Variants in EBF3 observed in about 807,000 individuals in gnomAD.
EBF3 encodes transcription factor COE3.
EBF3 carries 18 observed loss-of-function variants against 77.1 expected under a neutral mutation model. The observed-to-expected ratio is 0.23, with a 90% CI of 0.16 to 0.35. EBF3 has a LOEUF of 0.35. EBF3 is among the 10% of genes least tolerant of loss of function. EBF3 has a pLI of 1.00. For missense variants in EBF3, 558 were observed against 860.0 expected (o/e 0.65, Z 4.39); for synonymous variants, 350 against 343.5 (o/e 1.02, Z -0.21).
At chr10:129,860,947 G>A (rs1646242013) in intron 10 of EBF3, among the ~76,000 whole-genome samples, 1 of 152,234 alleles carries the variant, frequency 6.6e-6, no homozygotes, top group Admixed American at 6.5e-5. Context: ...TAGTAAATGG[G>A]TGTCACTGAT....
chr10:129,853,776 G>T (rs1426898010), intron 10 of EBF3, among the ~76,000 whole-genome samples: 1 of 152,190 alleles, frequency 6.6e-6, no homozygotes, highest in Non-Finnish European at 1.5e-5. Context: ...TGATTTCAGT[G>T]ACAAAGTGCT....
In EBF3 at chr10:129,964,219, G is replaced by C; in HGVS notation, c.-451C>G. The C allele has an allele frequency of 1.0e-6, 1 of 985,008 alleles. No homozygotes were observed. Among genetic ancestry groups the C allele is most frequent in the South Asian group, 4.7e-5 (1 of 21,282 alleles). The allele number at this position is 985,008 out of a possible 1,614,324, so 61.0% of individuals were successfully genotyped here. On this transcript the variant is annotated 5_prime_UTR_variant, in exon 1 of 17. Coordinates refer to ENST00000440978, the MANE Select transcript of EBF3 (RefSeq NM_001375380.1). The surrounding 1 kb of genome is among the most constrained non-coding windows in gnomAD (Gnocchi z 4.5). ...CAGGCGGGGCGCGGCGGGGCCTGGA[G>C]CGGCGCGCGCAGCGGACGGAGGCGC... is the stretch of plus-strand genomic sequence containing the variant.
At chr10:129,858,025 C>T (rs1262397123) in intron 10 of EBF3, among the ~76,000 whole-genome samples, 1 of 152,222 alleles carries the variant, frequency 6.6e-6, no homozygotes, top group Non-Finnish European at 1.5e-5. Context: ...TGTTGGTGGA[C>T]TCTGGGGTGG....
chr10:129,851,330 A>G (rs1487640980), intron 10 of EBF3, among the ~76,000 whole-genome samples: 2 of 152,128 alleles, frequency 1.3e-5, no homozygotes, highest in African/African-American at 4.8e-5. Context: ...TTTTATGTTA[A>G]TATTTGTGGG....
intron 5 of EBF3, 109 bp downstream of exon 5, chr10:129,958,825 G>A (rs1859245055): frequency 7.3e-7 from 1 of 1,375,988 alleles, no homozygotes; most frequent in Non-Finnish European, 9.5e-7. Flanking sequence ...TTCAATCGAT[G>A]CCCTTCCCGG....
chr10:129,954,125 G>A (rs576730736), intron 6 of EBF3, among the ~76,000 whole-genome samples: 1 of 152,274 alleles, frequency 6.6e-6, no homozygotes, highest in Non-Finnish European at 1.5e-5. Flanking sequence ...TTGTGTGTGT[G>A]CACTCTTCCT....
intron 6 of EBF3, among the ~76,000 whole-genome samples, chr10:129,931,893 G>A (rs1564901619): frequency 6.6e-6 from 1 of 152,144 alleles, no homozygotes; most frequent in Admixed American, 6.5e-5. Flanking sequence ...TGGGGTCCTG[G>A]TACCCAAATG....
rs1477973940 is a variant in EBF3 at position 129,873,611 on chromosome 10, TG to T, written c.637-16del. 2 of 1,508,156 alleles carry T rather than the reference TG, an allele frequency of 1.3e-6. No individual in the cohort carries two copies. Among genetic ancestry groups the T allele is most frequent in the Admixed American group, 4.6e-5 (2 of 43,948 alleles). 93.4% of individuals were successfully genotyped at this position (1,508,156 alleles called of 1,614,324 possible). On this transcript the variant is annotated splice_polypyrimidine_tract_variant and intron_variant, in intron 7 of 16. Coordinates refer to ENST00000440978, the MANE Select transcript of EBF3 (RefSeq NM_001375380.1). ...GATACAACAACCTGCAAAGATGAAGTGGATTTGAAAATGGAATTGGCAAAGA... is the reference window on the plus strand; with the variant it reads ...GATACAACAACCTGCAAAGATGAAGTGATTTGAAAATGGAATTGGCAAAGA...
At chr10:129,871,616 G>A (rs535576224) in intron 8 of EBF3, among the ~76,000 whole-genome samples, 1 of 152,104 alleles carries the variant, frequency 6.6e-6, no homozygotes, top group African/African-American at 2.4e-5. Flanking sequence ...GGGTTTGGGG[G>A]ACAAATATGC....
At chr10:129,929,217 T>A (rs1042780708) in intron 6 of EBF3, among the ~76,000 whole-genome samples, 1 of 152,150 alleles carries the variant, frequency 6.6e-6, no homozygotes, top group Non-Finnish European at 1.5e-5. Flanking sequence ...TTTATTTATT[T>A]ATTTTGAGAC....
chr10:129,883,129 C>T lies in EBF3; in HGVS notation c.555-5280G>A, dbSNP rs547521941. On this transcript the variant is annotated intron_variant, in intron 6 of 16. Transcript: ENST00000440978. ...CCCTGTACAGGATTTTTTCTTTAAT[C>T]ATCAAGTTTCAGACTGTTCCAGGGC... Among the ~76,000 whole-genome samples the T allele has an allele frequency of 2.0e-5, 3 of 152,344 alleles. No individual in the cohort carries two copies. In the East Asian group the frequency reaches 5.8e-4, roughly 29 times the overall value.
chr10:129,924,443 A>C (rs1320463839), intron 6 of EBF3, among the ~76,000 whole-genome samples: 1 of 133,014 alleles, frequency 7.5e-6, no homozygotes, highest in Non-Finnish European at 1.6e-5. Flanking sequence ...AAAAAAAAAA[A>C]AACAAAAAAC....
chr10:129,894,720 T>C (rs1229859350), intron 6 of EBF3, among the ~76,000 whole-genome samples: 3 of 152,248 alleles, frequency 2.0e-5, no homozygotes, highest in African/African-American at 7.2e-5. Flanking sequence ...TCCAGAAAAC[T>C]GCATCTGCCT....
chr10:129,849,857 C>T (rs1850735745), intron 10 of EBF3, among the ~76,000 whole-genome samples: 1 of 152,184 alleles, frequency 6.6e-6, no homozygotes, highest in African/African-American at 2.4e-5. Context: ...AATGCCTCGG[C>T]GTATGTGACA....
At chr10:129,890,039 G>A (rs1200879567) in intron 6 of EBF3, among the ~76,000 whole-genome samples, 1 of 145,260 alleles carries the variant, frequency 6.9e-6, no homozygotes, top group African/African-American at 2.6e-5. Flanking sequence ...ATGTACCAGA[G>A]GTAGTGCAGG....
At chr10:129,914,883 C>T (rs1334373345) in intron 6 of EBF3, among the ~76,000 whole-genome samples, 1 of 152,192 alleles carries the variant, frequency 6.6e-6, no homozygotes, top group Non-Finnish European at 1.5e-5. Context: ...TCCCCTAGGG[C>T]ATCACATCAA....
chr10:129,874,582 C>T (rs930811318), intron 7 of EBF3, among the ~76,000 whole-genome samples: 3 of 152,222 alleles, frequency 2.0e-5, no homozygotes, highest in African/African-American at 7.2e-5. Flanking sequence ...CAGGTTTCAT[C>T]TGGGTCTTGC....
At position 129,938,157 on chromosome 10, in the gene EBF3, G is replaced by C. The variant is rs1403883478; in HGVS notation, c.554+19101C>G. ...CTGCTCCTGCTGAGTTTTTGTGCGA[G>C]GCTAGCCCCCCGCATGAGGCTTCAT... On this transcript the variant is annotated intron_variant, in intron 6 of 16. Coordinates refer to ENST00000440978, the MANE Select transcript of EBF3 (RefSeq NM_001375380.1). This position sits in a 1 kb window ranked among gnomAD's most constrained non-coding sequence, Gnocchi z 5.1. Among the ~76,000 whole-genome samples the C allele has an allele frequency of 6.6e-6, 1 of 152,124 alleles. No individual in the cohort carries two copies. The highest frequency in any genetic ancestry group is 1.5e-5 in the Non-Finnish European group (1 of 68,032).
At chr10:129,945,973 A>G (rs899538223) in intron 6 of EBF3, among the ~76,000 whole-genome samples, 1 of 152,140 alleles carries the variant, frequency 6.6e-6, no homozygotes, top group African/African-American at 2.4e-5. Context: ...GGCATTAGTA[A>G]AAGTTTCCAC....
Sources: allele counts gnomAD v4.1 joint callset (sites outside exome capture counted in the v4.1 genomes callset), GRCh38; gene constraint gnomAD v4.1.1; non-coding constraint Gnocchi (gnomAD v3.1); transcripts MANE v1.5; gene names NCBI Gene and HGNC (gene_info 2026-07-23, HGNC 2026-07-21).